Variants in GCNT3 observed in about 807,000 individuals in gnomAD.
The protein encoded by GCNT3 is glucosaminyl (N-acetyl) transferase 3, mucin type.
For synonymous variants in GCNT3, 269 were observed against 195.2 expected (o/e 1.38, Z -3.15); for missense variants, 708 against 530.3 (o/e 1.34, Z -3.29).
Position 59,619,407 on chromosome 15 carries a change from T to C in GCNT3, c.1169T>C (p.Ile390Thr). Residue 390 changes from isoleucine (I) to threonine (T), a missense_variant, in exon 3 of 3, where the codon ATC becomes ACC. By Grantham distance (89) the Ile-to-Thr change is moderately conservative. Coordinates refer to ENST00000396065, the MANE Select transcript of GCNT3 (RefSeq NM_004751.3). ...TGCTCTGGAATCCACCAGCGGGCTA[T>C]CTGCGTTTATGGGGCTGGGGACTTG... The part of the protein sequence containing the change: ...APCSGIHQRA[I>T]CVYGAGDLNW... 1 of 1,614,154 alleles carries C rather than the reference T, an allele frequency of 6.2e-7. No homozygotes were observed. The highest frequency in any genetic ancestry group is 1.1e-5 in the South Asian group (1 of 91,086).
At chr15:59,614,717 T>G (rs1474431906) in intron 1 of GCNT3, among the ~76,000 whole-genome samples, 1 of 152,238 alleles carries the variant, frequency 6.6e-6, no homozygotes, top group South Asian at 2.1e-4. Context: ...AAGATTGTTA[T>G]GACCTGTATC....
chr15:59,615,602 G>T (rs1235298179), intron 1 of GCNT3, among the ~76,000 whole-genome samples: 1 of 152,040 alleles, frequency 6.6e-6, no homozygotes, highest in Non-Finnish European at 1.5e-5. Context: ...CCCTGTTCAG[G>T]CTGGGCGTGG....
At position 59,621,482 on chromosome 15, in the gene GCNT3, C is replaced by T. The variant is rs1004556101; in HGVS notation, c.*1927C>T. 8 of 150,554 alleles carry T rather than the reference C, an allele frequency of 5.3e-5. No individual in the cohort carries two copies. In the East Asian group the frequency reaches 5.8e-4, roughly 11 times the overall value. The allele number at this position is 150,554 out of a possible 1,614,324, so 9.3% of individuals were successfully genotyped here. A position where few individuals can be genotyped will look rare whatever the true frequency, so the allele number is the denominator to read the frequency against. ...TATAGTACAGCTCATCTTCTGCATA[C>T]GATATGCCCTGGAAAGGTGATTTAT... On this transcript the variant is annotated 3_prime_UTR_variant, in exon 3 of 3. Coordinates refer to ENST00000396065, the MANE Select transcript of GCNT3 (RefSeq NM_004751.3).
Position 59,619,258 on chromosome 15 carries a change from G to A in GCNT3, c.1020G>A (p.Arg340=), listed in dbSNP as rs374100673. The A allele has an allele frequency of 6.9e-5, 111 of 1,614,002 alleles. No homozygotes were observed. Among genetic ancestry groups the A allele is most frequent in the Non-Finnish European group, 9.2e-5 (108 of 1,180,020 alleles). ...EHLWATLQRA[R]WMPGSVPNHP... ...TCTGGGCCACCCTTCAGCGTGCACG[G>A]TGGATGCCTGGCTCTGTTCCCAACC... The change falls in exon 3 of 3, where the codon CGG becomes CGA. Residue 340 remains arginine (R), a synonymous_variant. Transcript: ENST00000396065.
chr15:59,612,222 C>G (rs1262263532), intron 1 of GCNT3, among the ~76,000 whole-genome samples: 29 of 152,236 alleles, frequency 1.9e-4, no homozygotes, highest in African/African-American at 6.7e-4. Flanking sequence ...CACAAACATA[C>G]AAGGATTTAT....
chr15:59,612,879 G>A (rs1385978532), intron 1 of GCNT3, among the ~76,000 whole-genome samples: 7 of 151,968 alleles, frequency 4.6e-5, no homozygotes, highest in Admixed American at 2.6e-4. Context: ...TTACAATAGA[G>A]TCTCTCCACA....
At position 59,619,228 on chromosome 15, in the gene GCNT3, A is replaced by G. The variant is rs1197564151; in HGVS notation, c.990A>G (p.Glu330=). 6.2e-7 allele frequency: 1 copy of G among 1,613,982 alleles called. No homozygotes were observed. The highest frequency in any genetic ancestry group is 1.1e-5 in the South Asian group (1 of 91,050). The part of the protein sequence containing the change: ...EWVKDTYSPD[E]HLWATLQRAR... ...TAAAAGACACTTATAGCCCAGATGA[A>G]CACCTCTGGGCCACCCTTCAGCGTG... Residue 330 remains glutamate, a synonymous_variant, in exon 3 of 3, where the codon GAA becomes GAG. Transcript: ENST00000396065.
rs1321525867 is a variant in GCNT3, at chr15:59,621,808, C to T, written c.*2253C>T. On this transcript the variant is annotated 3_prime_UTR_variant, in exon 3 of 3. Coordinates refer to ENST00000396065, the MANE Select transcript of GCNT3 (RefSeq NM_004751.3). The stretch of plus-strand genomic sequence containing the variant: ...AGAAACAGGGTTTCACCATGTTGGT[C>T]AGGCTGGTCTGAACTCCTGACCTCA... 1 of 150,832 alleles carries T rather than the reference C, an allele frequency of 6.6e-6. No homozygotes were observed. Among genetic ancestry groups the T allele is most frequent in the African/African-American group, 2.4e-5 (1 of 41,108 alleles). 9.3% of individuals were successfully genotyped at this position (150,832 alleles called of 1,614,324 possible).
Position 59,621,360 on chromosome 15 carries a change from GTTTCC to G in GCNT3, c.*1811_*1815del, listed in dbSNP as rs1464253871. ...CTCCCAAGTGTTACCTAGTGAAACAGTTTCCTTTCCGAAGCTCCAGAGATGGTTGT... is the reference window on the plus strand; with the variant it reads ...CTCCCAAGTGTTACCTAGTGAAACAGTTTCCGAAGCTCCAGAGATGGTTGT... On this transcript the variant is annotated 3_prime_UTR_variant, in exon 3 of 3. Transcript: ENST00000396065. 4 of 151,974 alleles carry G rather than the reference GTTTCC, an allele frequency of 2.6e-5. No homozygotes were observed. Among genetic ancestry groups the G allele is most frequent in the African/African-American group, 7.3e-5 (3 of 41,376 alleles). 9.4% of individuals were successfully genotyped at this position (151,974 alleles called of 1,614,324 possible). A position where few individuals can be genotyped will look rare whatever the true frequency, so the allele number is the denominator to read the frequency against.
intron 1 of GCNT3, 86 bp from the exon 2 acceptor site, chr15:59,616,606 A>C (rs192002357): frequency 6.6e-6 from 1 of 152,218 alleles, no homozygotes; most frequent in Non-Finnish European, 1.5e-5. Flanking sequence ...ATGTTTCTGC[A>C]TGATTTCTCT....
chr15:59,621,779 T>A lies in GCNT3; in HGVS notation c.*2224T>A, dbSNP rs1427904839. ...CCTGGCTAATTTTTTTGTATTTTTT[T>A]AGTAGAAACAGGGTTTCACCATGTT... On this transcript the variant is annotated 3_prime_UTR_variant, in exon 3 of 3. Coordinates refer to ENST00000396065, the MANE Select transcript of GCNT3 (RefSeq NM_004751.3). The A allele has an allele frequency of 1.3e-5, 2 of 150,978 alleles. No individual in the cohort carries two copies. Among genetic ancestry groups the A allele is most frequent in the Non-Finnish European group, 3.0e-5 (2 of 67,772 alleles). 9.4% of individuals were successfully genotyped at this position (150,978 alleles called of 1,614,324 possible). A position where few individuals can be genotyped will look rare whatever the true frequency, so the allele number is the denominator to read the frequency against.
In GCNT3 at chr15:59,618,194, C is replaced by T. The variant is rs1367481516; in HGVS notation, c.-45C>T. On this transcript the variant is annotated 5_prime_UTR_variant, in exon 3 of 3. Transcript: ENST00000396065. Reference sequence around the variant, plus strand: ...TCTGTCCAAGGATTGTGTCCTCCTCCACCTTCCCTGTGCTCGGTCTCCACC... The same window carrying T: ...TCTGTCCAAGGATTGTGTCCTCCTCTACCTTCCCTGTGCTCGGTCTCCACC... 2.8e-6 allele frequency: 3 copies of T among 1,081,036 alleles called. No homozygotes were observed. The highest frequency in any genetic ancestry group is 1.5e-5 in the South Asian group (1 of 65,702). The allele number at this position is 1,081,036 out of a possible 1,614,324, so 67.0% of individuals were successfully genotyped here. A position where few individuals can be genotyped will look rare whatever the true frequency, so the allele number is the denominator to read the frequency against.
chr15:59,619,163 G>C lies in GCNT3; in HGVS notation c.925G>C (p.Val309Leu). 2.5e-6 allele frequency: 4 copies of C among 1,614,146 alleles called. No individual in the cohort carries two copies. The highest frequency in any genetic ancestry group is 3.4e-6 in the Non-Finnish European group (4 of 1,180,022). Residue 309 changes from valine to leucine, a missense_variant, in exon 3 of 3, where the codon GTT (valine) becomes CTT (leucine). Val to Leu is a conservative substitution (Grantham distance 32). Transcript: ENST00000396065. The part of the protein sequence containing the change: ...IVASRDFVQH[V>L]LKNPKSQQLI... The stretch of plus-strand genomic sequence containing the variant: ...GGCTTCCCGAGATTTCGTCCAACAT[G>C]TTTTGAAGAACCCTAAATCCCAACA...
chr15:59,619,381 C>G lies in GCNT3; in HGVS notation c.1143C>G (p.Pro381=). ...GDIDKGAPYA[P]CSGIHQRAIC... ...TCGATAAGGGTGCTCCTTATGCTCC[C>G]TGCTCTGGAATCCACCAGCGGGCTA... is the stretch of plus-strand genomic sequence containing the variant. Residue 381 remains proline (P), a synonymous_variant, in exon 3 of 3, where the codon CCC becomes CCG. Transcript: ENST00000396065. 1.2e-6 allele frequency: 2 copies of G among 1,614,144 alleles called. No homozygotes were observed. Among genetic ancestry groups the G allele is most frequent in the South Asian group, 1.1e-5 (1 of 91,070 alleles).
rs147420014 is a variant in GCNT3, at chr15:59,619,039, T to C, written c.801T>C (p.Tyr267=). 6.4e-4 allele frequency: 1,032 copies of C among 1,614,140 alleles called. 11 individuals are homozygous for C. The highest frequency in any genetic ancestry group is 3.8e-3 in the South Asian group (350 of 91,080). The change falls in exon 3 of 3, where the codon TAT becomes TAC. Residue 267 remains tyrosine, a synonymous_variant. Transcript: ENST00000396065. ...PPKHKETRWK[Y]HFEVVRDTLH... is the part of the protein sequence containing the mutation. Reference sequence around the variant, plus strand: ...AGCACAAAGAAACCCGCTGGAAATATCACTTTGAGGTAGTGAGAGACACAT... The same window carrying C: ...AGCACAAAGAAACCCGCTGGAAATACCACTTTGAGGTAGTGAGAGACACAT...
rs543538136 is a variant in GCNT3 at position 59,618,238 on chromosome 15, G to A, written c.-1G>A. ...CTCCACCTGTCTCCCATTCTGTGAC[G>A]ATGGTTCAATGGAAGAGACTCTGCC... On this transcript the variant is annotated 5_prime_UTR_variant, in exon 3 of 3. Coordinates refer to ENST00000396065, the MANE Select transcript of GCNT3 (RefSeq NM_004751.3). 1.1e-5 allele frequency: 17 copies of A among 1,536,400 alleles called. No homozygotes were observed. The highest frequency in any genetic ancestry group is 8.2e-5 in the African/African-American group (6 of 72,802).
At chr15:59,613,613 C>T (rs997226557) in intron 1 of GCNT3, among the ~76,000 whole-genome samples, 57 of 151,934 alleles carry the variant, frequency 3.8e-4, no homozygotes, top group Non-Finnish European at 6.6e-4. Flanking sequence ...GTAATCTCAG[C>T]TACTCAGGAG....
At chr15:59,616,338 C>G (rs1158542464) in intron 1 of GCNT3, 1 of 152,138 alleles carries the variant, frequency 6.6e-6, no homozygotes, top group Non-Finnish European at 1.5e-5. Flanking sequence ...ATTCCCACCT[C>G]TTGTAATGTT....
rs374148086 is a variant in GCNT3 at position 59,618,209 on chromosome 15, C to T, written c.-30C>T. ...TGTCCTCCTCCACCTTCCCTGTGCT[C>T]GGTCTCCACCTGTCTCCCATTCTGT... On this transcript the variant is annotated 5_prime_UTR_variant, in exon 3 of 3. Coordinates refer to ENST00000396065, the MANE Select transcript of GCNT3 (RefSeq NM_004751.3). 36 of 1,272,308 alleles carry T rather than the reference C, an allele frequency of 2.8e-5. No homozygotes were observed. The highest frequency in any genetic ancestry group is 6.4e-5 in the Admixed American group (3 of 46,686). 78.8% of individuals were successfully genotyped at this position (1,272,308 alleles called of 1,614,324 possible).
Sources: allele counts gnomAD v4.1 joint callset (sites outside exome capture counted in the v4.1 genomes callset), GRCh38; gene constraint gnomAD v4.1.1; transcripts MANE v1.5; gene names NCBI Gene and HGNC (gene_info 2026-07-23, HGNC 2026-07-21).